Variants in CT45A10 observed in about 807,000 individuals in gnomAD.
CT45A10 encodes the protein cancer/testis antigen family 45 member A10.
In CT45A10, 19 loss-of-function variants were observed where a neutral mutation model predicts 8.3. The ratio of observed to expected loss-of-function variants is 2.30; its 90% CI spans 1.61 to 3.38. The LOEUF (loss-of-function observed/expected upper bound fraction) is 3.38. CT45A10 is among the 30% of genes most tolerant of loss of function. CT45A10 has a pLI of 0.00. For synonymous variants in CT45A10, 28 were observed against 26.5 expected, an observed-to-expected ratio of 1.06 and a Z score of -0.17; for missense variants, 149 against 85.9, an observed-to-expected ratio of 1.73 and a Z score of -2.90.
In CT45A10 at chrX:135,882,605, A is replaced by G; in HGVS notation, c.443T>C (p.Leu148Pro). Residue 148 changes from leucine (L) to proline (P), a missense_variant, in exon 4 of 5, where the codon CTT becomes CCT. Physicochemically the swap from Leu to Pro is moderately conservative, Grantham distance 98. Coordinates refer to ENST00000682849, the MANE Select transcript of CT45A10 (RefSeq NM_001291529.2). Reference protein sequence around the residue: ...GRKYEKIFEMLEGVQGPTAVR... With the variant: ...GRKYEKIFEMPEGVQGPTAVR... ...TGCAGTAGGTCCTTGCACTCCTTCA[A>G]GCATTTCGAAGATTTTTTCATATTC... 2.0e-5 allele frequency: 23 copies of G among 1,162,205 alleles called. 1 individual carries two copies. The South Asian group carries it at 3.5e-4, about 18-fold the overall frequency.
chrX:135,883,778 T>C (rs1370178002), intron 2 of CT45A10, among the ~76,000 whole-genome samples: 1 of 63,753 alleles, frequency 1.6e-5, no homozygotes, highest in Non-Finnish European at 3.0e-5. Context: ...TCTGAGAAAA[T>C]AGAGGCGGCC....
rs1192591391 is a variant in CT45A10 at position 135,882,757 on chromosome X, T to C, written c.419-128A>G. ...ATGCTTAAATCAAGATACCTGCACATACAAAACCTAAATAATAAAAAAGAC... is the reference window on the plus strand; with the variant it reads ...ATGCTTAAATCAAGATACCTGCACACACAAAACCTAAATAATAAAAAAGAC... On this transcript the variant is annotated intron_variant, in intron 3 of 4. Coordinates refer to ENST00000682849, the MANE Select transcript of CT45A10 (RefSeq NM_001291529.2). The C allele has an allele frequency of 5.4e-5, 22 of 410,596 alleles. No individual in the cohort carries two copies. The African/African-American group carries it at 6.0e-4, about 11-fold the overall frequency. The allele number at this position is 410,596 out of a possible 1,213,427, so 33.8% of individuals were successfully genotyped here.
rs1295004626 is a variant in CT45A10, at chrX:135,882,612, C to A, written c.436G>T (p.Glu146Ter). ...GGTCCTTGCACTCCTTCAAGCATTT[C>A]GAAGATTTTTTCATATTCTGAAGAT... is the stretch of plus-strand genomic sequence containing the variant. ...CLGRKYEKIFEMLEGVQGPTA... is the reference protein window; with the variant it reads ...CLGRKYEKIF The change falls in exon 4 of 5, where the codon GAA (glutamate) becomes TAA (stop). Residue 146 changes from glutamate (E) to a stop codon, truncating the protein, a stop_gained. Transcript: ENST00000682849. LOFTEE classifies it high-confidence loss of function. 17 of 1,156,681 alleles carry A rather than the reference C, an allele frequency of 1.5e-5. No homozygotes were observed. The East Asian group carries it at 1.5e-4, about 10-fold the overall frequency.
intron 1 of CT45A10, among the ~76,000 whole-genome samples, chrX:135,889,962 CTG>C (rs2088484705): frequency 8.9e-6 from 1 of 112,040 alleles, no homozygotes; most frequent in Admixed American, 9.5e-5. Flanking sequence ...ATTCCAGACA[CTG>C]TATGAAAAAA....
At chrX:135,883,750 C>G (rs2088417516) in intron 2 of CT45A10, among the ~76,000 whole-genome samples, 2 of 70,145 alleles carry the variant, frequency 2.9e-5, no homozygotes, top group African/African-American at 1.1e-4. Flanking sequence ...AACCGGTCTC[C>G]TGTTATATCA....
At chrX:135,886,605 GA>G (rs2088431210) in intron 1 of CT45A10, among the ~76,000 whole-genome samples, 1 of 23,115 alleles carries the variant, frequency 4.3e-5, no homozygotes, top group East Asian at 1.4e-3. Context: ...TAGAATATGA[GA>G]TTTCAAATGT....
At chrX:135,891,122 C>T (rs1401153420) in intron 1 of CT45A10, among the ~76,000 whole-genome samples, 2 of 111,415 alleles carry the variant, frequency 1.8e-5, no homozygotes, top group Non-Finnish European at 3.8e-5. Flanking sequence ...CTGCAGAAAA[C>T]ATTATTAAAG....
chrX:135,883,154 T>C lies in CT45A10; in HGVS notation c.272A>G (p.Asn91Ser), dbSNP rs2088406588. Residue 91 changes from asparagine (N) to serine (S), a missense_variant, in exon 3 of 5, where the codon AAT becomes AGT. Asn to Ser is a conservative substitution (Grantham distance 46). Transcript: ENST00000682849. ...KDGMMQKPGS[N>S]APVGGNVTSN... ...GGTAACGTTTCCTCCCACAGGTGCA[T>C]TGCTACCAGGTTTCTGCATCATCCC... 11 of 1,197,326 alleles carry C rather than the reference T, an allele frequency of 9.2e-6. No homozygotes were observed. The highest frequency in any genetic ancestry group is 3.0e-5 in the East Asian group (1 of 33,567).
chrX:135,882,636 A>C lies in CT45A10; in HGVS notation c.419-7T>G. Reference sequence around the variant, plus strand: ...TCGAAGATTTTTTCATATTCTGAAGATGTTGAAAAAAAAACTTCAGTATTA... The same window carrying C: ...TCGAAGATTTTTTCATATTCTGAAGCTGTTGAAAAAAAAACTTCAGTATTA... On this transcript the variant is annotated splice_polypyrimidine_tract_variant and splice_region_variant and intron_variant, in intron 3 of 4. Transcript: ENST00000682849. 8.6e-7 allele frequency: 1 copy of C among 1,161,613 alleles called. No individual in the cohort carries two copies. The highest frequency in any genetic ancestry group is 3.0e-5 in the East Asian group (1 of 33,257).
At chrX:135,892,664 G>T in intron 1 of CT45A10, among the ~76,000 whole-genome samples, 1 of 111,452 alleles carries the variant, frequency 9.0e-6, no homozygotes. Flanking sequence ...ACAGCACCAG[G>T]AGACAGCACC....
chrX:135,882,921 C>T (rs1312665881), intron 3 of CT45A10, 87 bp downstream of exon 3: 2 of 1,084,817 alleles, frequency 1.8e-6, no homozygotes, highest in African/African-American at 1.9e-5. Flanking sequence ...AAAGAATGAG[C>T]CTCAAGAGGT....
At position 135,883,070 on chromosome X, in the gene CT45A10, T is replaced by C; in HGVS notation, c.356A>G (p.Gln119Arg). ...TTTTATATCAGCATTAATTTCTTGT[T>C]GGCTTTTGGGAGAGGAGGCTATTCC... ...CRGIASSPKS[Q>R]QEINADIKCQ... is the part of the protein sequence containing the mutation. The change falls in exon 3 of 5, where the codon CAA (glutamine) becomes CGA (arginine). Residue 119 changes from glutamine (Q) to arginine (R), a missense_variant. Physicochemically the swap from Gln to Arg is conservative, Grantham distance 43. Transcript: ENST00000682849. 1 of 1,198,931 alleles carries C rather than the reference T, an allele frequency of 8.3e-7. No homozygotes were observed. Among genetic ancestry groups the C allele is most frequent in the Non-Finnish European group, 1.1e-6 (1 of 885,767 alleles).
At chrX:135,891,908 AT>A (rs1376489715) in intron 1 of CT45A10, among the ~76,000 whole-genome samples, 2 of 111,394 alleles carry the variant, frequency 1.8e-5, no homozygotes, top group Admixed American at 9.6e-5. Context: ...TAAACTACAA[AT>A]CCATTTTTAA....
intron 1 of CT45A10, chrX:135,889,290 C>G (rs1443949976): frequency 2.5e-5 from 3 of 118,314 alleles, no homozygotes; most frequent in African/African-American, 9.8e-5. Flanking sequence ...GACCCTGGCT[C>G]TACAGAGCAA....
chrX:135,893,235 G>A lies in CT45A10; in HGVS notation c.-7+110C>T, dbSNP rs782729971. Among the ~76,000 whole-genome samples the A allele has an allele frequency of 1.1e-4, 12 of 111,315 alleles. No homozygotes were observed. In the East Asian group the frequency reaches 2.9e-3, roughly 27 times the overall value. ...TCCCAGGGAACCCTACCACACACCC[G>A]ACAGAGAACACCTCAGAAAAGACAC... On this transcript the variant is annotated intron_variant, in intron 1 of 4. Transcript: ENST00000682849.
chrX:135,889,514 A>G (rs1407831109), intron 1 of CT45A10, among the ~76,000 whole-genome samples: 1 of 110,482 alleles, frequency 9.1e-6, no homozygotes, highest in Non-Finnish European at 1.9e-5. Flanking sequence ...AAGAAGCAAC[A>G]ACAACAACAA....
At chrX:135,882,106 T>C (rs1233906177) in intron 4 of CT45A10, among the ~76,000 whole-genome samples, 1 of 43,768 alleles carries the variant, frequency 2.3e-5, no homozygotes, top group African/African-American at 9.8e-5. Context: ...TTAAAAATAA[T>C]GAAGAGTATA....
At chrX:135,890,940 G>A (rs1387872659) in intron 1 of CT45A10, among the ~76,000 whole-genome samples, 3 of 111,895 alleles carry the variant, frequency 2.7e-5, no homozygotes, top group Non-Finnish European at 5.6e-5. Context: ...GCAATGACAG[G>A]TAAATACACC....
At chrX:135,890,897 A>G (rs2088494292) in intron 1 of CT45A10, among the ~76,000 whole-genome samples, 2 of 112,226 alleles carry the variant, frequency 1.8e-5, no homozygotes. Context: ...ATTTACTATA[A>G]AGGTAGAGTA....
Sources: allele counts gnomAD v4.1 joint callset (sites outside exome capture counted in the v4.1 genomes callset), GRCh38; gene constraint gnomAD v4.1.1; transcripts MANE v1.5; gene names NCBI Gene and HGNC (gene_info 2026-07-23, HGNC 2026-07-21).